Variants in ZFHX3 observed in about 807,000 individuals in gnomAD.
The protein encoded by ZFHX3 is zinc finger homeobox 3.
Under a neutral mutation model 279.1 loss-of-function variants are expected in ZFHX3, and 42 were observed. That is an observed-to-expected ratio of 0.15 (90% CI 0.12 to 0.19). The LOEUF (loss-of-function observed/expected upper bound fraction) is 0.19. ZFHX3 is among the 10% of genes least tolerant of loss of function. ZFHX3 has a pLI of 1.00. For missense variants in ZFHX3, 4,981 were observed against 4,754.0 expected, an observed-to-expected ratio of 1.05 and a Z score of -1.40; for synonymous variants, 2,293 against 1,957.8, an observed-to-expected ratio of 1.17 and a Z score of -4.52.
In ZFHX3 at chr16:72,896,491, A is replaced by G. The variant is rs976450067; in HGVS notation, c.3217-6529T>C. On this transcript the variant is annotated intron_variant, in intron 3 of 9. Coordinates refer to ENST00000268489, the MANE Select transcript of ZFHX3 (RefSeq NM_006885.4). ...TAACACCAAGCACAAAAAGCAAACT[A>G]ATCATTTTAAAAGAAGGGAGACAAC... Among the ~76,000 whole-genome samples, 3 of 152,272 alleles carry G rather than the reference A, an allele frequency of 2.0e-5. No homozygotes were observed. In the South Asian group the frequency reaches 6.2e-4, roughly 32 times the overall value.
chr16:73,305,114 T>A (rs2015151507), intron 4 of ZFHX3, among the ~76,000 whole-genome samples: 1 of 150,950 alleles, frequency 6.6e-6, no homozygotes, highest in Non-Finnish European at 1.5e-5. Flanking sequence ...TGGCCCAAGA[T>A]CGGAGAGAAA....
chr16:73,534,057 G>C (rs1049950873), intron 2 of ZFHX3, among the ~76,000 whole-genome samples: 1 of 152,126 alleles, frequency 6.6e-6, no homozygotes, highest in African/African-American at 2.4e-5. Flanking sequence ...AAGGTCGTCA[G>C]ATGGCTCCTC....
chr16:73,501,238 T>C (rs927009403), intron 2 of ZFHX3, among the ~76,000 whole-genome samples: 1 of 152,220 alleles, frequency 6.6e-6, no homozygotes, highest in Admixed American at 6.5e-5. Flanking sequence ...CATCTAGATT[T>C]GTGTAAATAC....
chr16:73,726,336 C>T (rs536401707), intron 1 of ZFHX3, among the ~76,000 whole-genome samples: 1 of 152,286 alleles, frequency 6.6e-6, no homozygotes, highest in African/African-American at 2.4e-5. Context: ...GCTGCCAAAG[C>T]ACTGCATGGA....
chr16:73,029,532 C>A (rs79902773), intron 1 of ZFHX3, among the ~76,000 whole-genome samples: 3,475 of 152,198 alleles, frequency 0.023, 63 homozygotes, highest in East Asian at 0.09. Flanking sequence ...GTGTGTTGGA[C>A]GACGGAAGGA....
chr16:73,693,014 T>A (rs1427673966), intron 1 of ZFHX3, among the ~76,000 whole-genome samples: 1 of 152,204 alleles, frequency 6.6e-6, no homozygotes, highest in East Asian at 1.9e-4. Flanking sequence ...AATGCCAAGT[T>A]GTTCAACAAG....
chr16:73,879,980 A>G (rs932487161), intron 1 of ZFHX3, among the ~76,000 whole-genome samples: 1 of 152,282 alleles, frequency 6.6e-6, no homozygotes, highest in African/African-American at 2.4e-5. Flanking sequence ...ACCAGTCTCT[A>G]TCTGGCTTTG....
chr16:73,591,255 A>G (rs2051992180), intron 2 of ZFHX3, among the ~76,000 whole-genome samples: 1 of 152,086 alleles, frequency 6.6e-6, no homozygotes, highest in African/African-American at 2.4e-5. Context: ...CAGGAGGCTG[A>G]GGCAGGAGAA....
At chr16:73,351,423 C>T (rs755882441) in intron 3 of ZFHX3, among the ~76,000 whole-genome samples, 43 of 152,170 alleles carry the variant, frequency 2.8e-4, no homozygotes, top group Non-Finnish European at 2.2e-4. Context: ...CAGTTCACGG[C>T]GGCCCCTGCA....
intron 3 of ZFHX3, among the ~76,000 whole-genome samples, chr16:72,905,765 A>C (rs936498982): frequency 6.6e-6 from 1 of 152,244 alleles, no homozygotes; most frequent in African/African-American, 2.4e-5. Context: ...GTGGCCACAC[A>C]GGCATTCCTA....
intron 5 of ZFHX3, among the ~76,000 whole-genome samples, chr16:73,221,288 C>A (rs1255085335): frequency 1.3e-5 from 2 of 152,066 alleles, no homozygotes; most frequent in Non-Finnish European, 2.9e-5. Context: ...AAAGAAAAGT[C>A]ACTGTTAATA....
At chr16:73,708,994 T>C (rs2053331590) in intron 1 of ZFHX3, among the ~76,000 whole-genome samples, 1 of 152,168 alleles carries the variant, frequency 6.6e-6, no homozygotes, top group Admixed American at 6.5e-5. Flanking sequence ...ATTACTTTCC[T>C]TTGGAGGATC....
chr16:73,685,766 C>A (rs1376124429), intron 1 of ZFHX3, among the ~76,000 whole-genome samples: 1 of 152,194 alleles, frequency 6.6e-6, no homozygotes, highest in Non-Finnish European at 1.5e-5. Context: ...TACCTCTTCC[C>A]TAAAACAACC....
intron 1 of ZFHX3, among the ~76,000 whole-genome samples, chr16:73,887,870 C>G (rs145824338): frequency 0.03 from 4,499 of 152,010 alleles, 107 homozygotes; most frequent in African/African-American, 0.066. Flanking sequence ...TTTAAAAAAA[C>G]AAACTTTTCC....
rs559695075 is a variant in ZFHX3, at chr16:73,381,436, G to T, written c.-1290-63100C>A. Among the ~76,000 whole-genome samples, 463 of 152,186 alleles carry T rather than the reference G, an allele frequency of 3.0e-3. 1 individual carries two copies. Among genetic ancestry groups the T allele is most frequent in the Non-Finnish European group, 5.2e-3 (357 of 68,010 alleles). ...CATAGTAATCAAATCTAAGTGGTTT[G>T]GGCAGAGAGAGAGAGAGACAAAGAG... On this transcript the variant is annotated intron_variant, in intron 3 of 17. Coordinates refer to the ZFHX3 transcript ENST00000641206.
Position 72,788,055 on chromosome 16 carries a change from A to C in ZFHX3, c.10221T>G (p.Ala3407=), listed in dbSNP as rs763448446. 14 of 1,609,302 alleles carry C rather than the reference A, an allele frequency of 8.7e-6. No individual in the cohort carries two copies. The South Asian group carries it at 1.5e-4, about 18-fold the overall frequency. ...KASQTPVPPG[A]PSPDKDPAKE... ...TGGCAGGGTCTTTGTCTGGGGAAGG[A>C]GCCCCGGGGGGGACTGGGGTTTGGC... Residue 3407 remains alanine (A), a synonymous_variant, in exon 10 of 10, where the codon GCT becomes GCG. Transcript: ENST00000268489.
rs527328056 is a variant in ZFHX3, at chr16:73,874,594, CCTCT to C, written c.-1608+17053_-1608+17056del. On this transcript the variant is annotated intron_variant, in intron 1 of 17. Coordinates refer to the ZFHX3 transcript ENST00000641206. ...ATCCTGTGTTTGTTTATTCATTATG[CCTCT>C]CTATCAGTCTCAATAAATATGTAAC... Among the ~76,000 whole-genome samples the C allele has an allele frequency of 5.4e-4, 82 of 152,252 alleles. No individual in the cohort carries two copies. The Middle Eastern group carries it at 0.017, about 32-fold the overall frequency.
At chr16:73,246,020 T>G (rs1567429004) in intron 5 of ZFHX3, among the ~76,000 whole-genome samples, 1 of 152,112 alleles carries the variant, frequency 6.6e-6, no homozygotes. Flanking sequence ...CAGAGGCCAT[T>G]CCCCTGTTTC....
At chr16:73,784,096 T>C (rs1224679712) in intron 1 of ZFHX3, among the ~76,000 whole-genome samples, 2 of 151,918 alleles carry the variant, frequency 1.3e-5, no homozygotes, top group Non-Finnish European at 2.9e-5. Context: ...GGAAGATGCC[T>C]GGCTGTTTTG....
Sources: gnomAD v4.1 joint callset for allele counts (sites outside exome capture counted in the v4.1 genomes callset) on GRCh38, gnomAD v4.1.1 for gene constraint, MANE v1.5 for transcripts, NCBI Gene and HGNC (gene_info 2026-07-23, HGNC 2026-07-21) for gene names.